MPP7: variants seen among roughly 807,000 people sequenced by gnomAD.
MPP7 encodes MAGUK p55 subfamily member 7.
In MPP7, 60 loss-of-function variants were observed where a neutral mutation model predicts 76.5. The observed-to-expected ratio is 0.78, with a 90% CI of 0.64 to 0.97. MPP7 has a LOEUF of 0.97. Among genes scored for constraint, MPP7 ranks in the 50% least tolerant of loss-of-function variants. The probability of loss-of-function intolerance (pLI) is 0.00; values close to 1 mark genes in which losing one functional copy is unlikely to be tolerated. For missense variants in MPP7, 641 were observed against 694.0 expected, an observed-to-expected ratio of 0.92 and a Z score of 0.86; for synonymous variants, 237 against 244.5, an observed-to-expected ratio of 0.97 and a Z score of 0.29.
At chr10:28,318,242 C>T (rs1419609865) in intron 2 of MPP7, among the ~76,000 whole-genome samples, 3 of 152,306 alleles carry the variant, frequency 2.0e-5, no homozygotes, top group Non-Finnish European at 4.4e-5. Flanking sequence ...AATAATAACA[C>T]CCATTGAACA....
At chr10:28,180,957 C>T (rs1564681894) in intron 3 of MPP7, among the ~76,000 whole-genome samples, 1 of 152,182 alleles carries the variant, frequency 6.6e-6, no homozygotes, top group South Asian at 2.1e-4. Context: ...TACCTGTAAA[C>T]AGCACTACTG....
intron 13 of MPP7, among the ~76,000 whole-genome samples, chr10:28,067,806 T>C (rs547546068): frequency 2.0e-5 from 3 of 152,184 alleles, no homozygotes; most frequent in Non-Finnish European, 4.4e-5. Context: ...ACAACAAAGA[T>C]AGTCTGTAGT....
At chr10:28,065,994 T>C (rs1564613533) in intron 13 of MPP7, among the ~76,000 whole-genome samples, 3 of 152,206 alleles carry the variant, frequency 2.0e-5, no homozygotes, top group Admixed American at 6.5e-5. Flanking sequence ...TTTTGACTGG[T>C]TGTATTAATA....
intron 12 of MPP7, among the ~76,000 whole-genome samples, chr10:28,077,670 G>A (rs1170726290): frequency 2.0e-5 from 3 of 152,114 alleles, no homozygotes; most frequent in African/African-American, 4.8e-5. Flanking sequence ...TTATTCATAC[G>A]CCTCTGCAAT....
At position 28,052,385 on chromosome 10, in the gene MPP7, A is replaced by G. The variant is rs528575917; in HGVS notation, c.*1680T>C. 6.6e-6 allele frequency: 1 copy of G among 152,282 alleles called. No homozygotes were observed. The highest frequency in any genetic ancestry group is 2.1e-4 in the South Asian group (1 of 4,830). 9.4% of individuals were successfully genotyped at this position (152,282 alleles called of 1,614,324 possible). ...AATACACTTAGAACTCACTGTCTGG[A>G]TCACGTTGTTATATAATACTTAGTC... On this transcript the variant is annotated 3_prime_UTR_variant, in exon 17 of 17. Transcript: ENST00000683449.
intron 5 of MPP7, among the ~76,000 whole-genome samples, chr10:28,142,809 G>A (rs1210492451): frequency 1.3e-5 from 2 of 152,118 alleles, no homozygotes; most frequent in Non-Finnish European, 2.9e-5. Flanking sequence ...AGGGAAACAG[G>A]CCTTCTCATG....
At chr10:28,268,608 TGTAATC>T (rs1840220951) in intron 1 of MPP7, among the ~76,000 whole-genome samples, 1 of 151,920 alleles carries the variant, frequency 6.6e-6, no homozygotes, top group South Asian at 2.1e-4. Context: ...GGTGCACACC[TGTAATC>T]CCAGCTACTC....
intron 1 of MPP7, among the ~76,000 whole-genome samples, chr10:28,261,031 T>C (rs1030364722): frequency 2.0e-5 from 3 of 152,210 alleles, no homozygotes; most frequent in African/African-American, 7.2e-5. Context: ...CATAAGTCAC[T>C]CCAGCAAATC....
At chr10:28,177,260 C>CAAAAAAAAAAAAA (rs57984876) in intron 3 of MPP7, among the ~76,000 whole-genome samples, 3 of 104,156 alleles carry the variant, frequency 2.9e-5, no homozygotes, top group East Asian at 3.9e-4. Flanking sequence ...ACTAAAAATG[C>CAAAAAAAAAAAAA]AAAAAAAAAA....
upstream of MPP7, among the ~76,000 whole-genome samples, chr10:28,335,087 C>T (rs1834505180): frequency 6.6e-6 from 1 of 152,234 alleles, no homozygotes; most frequent in Non-Finnish European, 1.5e-5. Context: ...CCCGACACGG[C>T]TGCACGGCTG....
chr10:28,273,966 AAAAC>A (rs61267137), intron 1 of MPP7, among the ~76,000 whole-genome samples: 336 of 151,968 alleles, frequency 2.2e-3, no homozygotes, highest in Non-Finnish European at 3.9e-3. Flanking sequence ...TCTCTAAAAC[AAAAC>A]AAACAAAGGC....
intron 1 of MPP7, among the ~76,000 whole-genome samples, chr10:28,252,928 G>T (rs185199826): frequency 6.6e-6 from 1 of 151,834 alleles, no homozygotes; most frequent in Admixed American, 6.6e-5. Context: ...GGGAGGGGGG[G>T]GCGGAGTCCC....
At chr10:28,303,407 T>A (rs967617741), upstream of MPP7, 4 of 152,198 alleles carry the variant, frequency 2.6e-5, no homozygotes, top group African/African-American at 9.7e-5. Context: ...GATACGCAGG[T>A]TCATTCGCCA....
At chr10:28,322,247 G>A (rs1394878878) in intron 2 of MPP7, among the ~76,000 whole-genome samples, 1 of 152,082 alleles carries the variant, frequency 6.6e-6, no homozygotes, top group Non-Finnish European at 1.5e-5. Flanking sequence ...TGCTGAAACA[G>A]ATGGGATATT....
intron 3 of MPP7, among the ~76,000 whole-genome samples, chr10:28,177,364 C>T (rs568560463): frequency 2.7e-5 from 4 of 150,014 alleles, no homozygotes; most frequent in South Asian, 2.1e-4. Context: ...GCCAAGATCA[C>T]GCCACTGCAC....
intron 2 of MPP7, among the ~76,000 whole-genome samples, chr10:28,232,693 C>A (rs1328435591): frequency 6.6e-6 from 1 of 152,170 alleles, no homozygotes; most frequent in Non-Finnish European, 1.5e-5. Context: ...CAAAATTAAA[C>A]CACATTGCCT....
At chr10:28,199,079 G>C (rs1465230441) in intron 3 of MPP7, among the ~76,000 whole-genome samples, 1 of 152,140 alleles carries the variant, frequency 6.6e-6, no homozygotes, top group Non-Finnish European at 1.5e-5. Context: ...TGGTAAGCAA[G>C]AGAGGATGAG....
intron 8 of MPP7, 148 bp downstream of exon 8, chr10:28,123,883 A>G: frequency 1.6e-6 from 1 of 608,564 alleles, no homozygotes. Flanking sequence ...ATAGATTAAG[A>G]TATTTTCCAA....
chr10:28,244,692 A>G (rs1463094833), intron 1 of MPP7, among the ~76,000 whole-genome samples: 3 of 152,138 alleles, frequency 2.0e-5, no homozygotes, highest in East Asian at 3.9e-4. Flanking sequence ...AGGAAACAAG[A>G]GAACATGCTG....
Sources: gnomAD v4.1 joint callset for allele counts (sites outside exome capture counted in the v4.1 genomes callset) on GRCh38, gnomAD v4.1.1 for gene constraint, MANE v1.5 for transcripts, NCBI Gene and HGNC (gene_info 2026-07-23, HGNC 2026-07-21) for gene names.